CCDC12: variants seen among roughly 807,000 people sequenced by gnomAD.
CCDC12 encodes the protein coiled-coil domain containing 12.
In CCDC12, 28 loss-of-function variants were observed where a neutral mutation model predicts 25.7. That is an observed-to-expected ratio of 1.09 (90% CI 0.81 to 1.50). CCDC12 has a LOEUF of 1.50. Ranked by LOEUF, CCDC12 falls within the 40% of genes most tolerant of loss-of-function variation. The pLI is 0.00. For synonymous variants in CCDC12, 75 were observed against 87.7 expected, an observed-to-expected ratio of 0.86 and a Z score of 0.81; for missense variants, 198 against 210.0, an observed-to-expected ratio of 0.94 and a Z score of 0.35.
intron 2 of CCDC12, among the ~76,000 whole-genome samples, chr3:46,926,878 C>G (rs2032982899): frequency 6.6e-6 from 1 of 152,302 alleles, no homozygotes; most frequent in South Asian, 2.1e-4. Context: ...TGCCATCTCC[C>G]AAGCCCTCTG....
At chr3:46,963,312 G>T (rs569909229) in intron 1 of CCDC12, among the ~76,000 whole-genome samples, 1 of 152,110 alleles carries the variant, frequency 6.6e-6, no homozygotes, top group Admixed American at 6.5e-5. Context: ...TAATTAAAAA[G>T]ATTTTTTATG....
Position 46,945,815 on chromosome 3 carries a change from C to T in CCDC12, c.97-4750G>A, listed in dbSNP as rs533508673. On this transcript the variant is annotated intron_variant, in intron 1 of 6. Coordinates refer to ENST00000683445, the MANE Select transcript of CCDC12 (RefSeq NM_001277074.2). The stretch of plus-strand genomic sequence containing the variant: ...TGACTTATATTGTTCTCTTAATAGC[C>T]TAATGTCTGTAAGATCTGTAGTGAT... 2.6e-5 allele frequency among the ~76,000 whole-genome samples: 4 copies of T among 152,304 alleles called. No individual in the cohort carries two copies. In the South Asian group the frequency reaches 8.3e-4, roughly 32 times the overall value.
intron 1 of CCDC12, among the ~76,000 whole-genome samples, chr3:46,960,095 G>A (rs1015168373): frequency 6.6e-6 from 1 of 152,146 alleles, no homozygotes; most frequent in African/African-American, 2.4e-5. Flanking sequence ...GCTCTCCTCT[G>A]CCCCTCCTCC....
intron 1 of CCDC12, among the ~76,000 whole-genome samples, chr3:46,966,921 C>A (rs555138909): frequency 6.6e-6 from 1 of 152,102 alleles, no homozygotes; most frequent in African/African-American, 2.4e-5. Context: ...GTCCTCATGC[C>A]GCCCCACCCC....
At chr3:46,967,046 G>C (rs375418037) in intron 1 of CCDC12, among the ~76,000 whole-genome samples, 2 of 152,076 alleles carry the variant, frequency 1.3e-5, no homozygotes, top group South Asian at 2.1e-4. Context: ...TCACCAGAGG[G>C]CCTCGTCTAG....
chr3:46,963,081 A>T (rs2034510628), intron 1 of CCDC12, among the ~76,000 whole-genome samples: 1 of 152,242 alleles, frequency 6.6e-6, no homozygotes, highest in South Asian at 2.1e-4. Flanking sequence ...ACAGAAAACT[A>T]CATACTGTTT....
At chr3:46,944,581 C>A (rs1044405437) in intron 1 of CCDC12, among the ~76,000 whole-genome samples, 1 of 151,898 alleles carries the variant, frequency 6.6e-6, no homozygotes, top group African/African-American at 2.4e-5. Context: ...CTTCCCAAAT[C>A]TTGCCATCTT....
upstream of CCDC12, among the ~76,000 whole-genome samples, chr3:46,980,111 T>C (rs533599701): frequency 1.0e-3 from 158 of 152,200 alleles, no homozygotes; most frequent in African/African-American, 3.7e-3. Context: ...ACTTATGCCT[T>C]GGGGACAGAG....
At chr3:46,953,987 G>A (rs942005502) in intron 1 of CCDC12, among the ~76,000 whole-genome samples, 5 of 152,180 alleles carry the variant, frequency 3.3e-5, no homozygotes, top group African/African-American at 9.7e-5. Flanking sequence ...GCTCACGAGG[G>A]GAGCAGCAGT....
intron 1 of CCDC12, among the ~76,000 whole-genome samples, chr3:46,949,085 G>A (rs886084440): frequency 2.0e-5 from 3 of 152,240 alleles, no homozygotes; most frequent in Non-Finnish European, 2.9e-5. Flanking sequence ...GCGAGTGTGA[G>A]AAGGTGAATC....
chr3:46,956,921 G>C (rs1200240262), intron 1 of CCDC12, among the ~76,000 whole-genome samples: 2 of 152,144 alleles, frequency 1.3e-5, no homozygotes, highest in Non-Finnish European at 2.9e-5. Flanking sequence ...GGAGAAGCCA[G>C]GGCCAGACCT....
At chr3:46,976,464 C>T in intron 1 of CCDC12, 173 bp downstream of exon 1, 1 of 1,427,952 alleles carries the variant, frequency 7.0e-7, no homozygotes, top group South Asian at 1.5e-5. Context: ...AGTCCCACGC[C>T]AAGCAGCCCC....
At chr3:46,922,825 T>G (rs1471417696) in intron 5 of CCDC12, 3 of 184,346 alleles carry the variant, frequency 1.6e-5, no homozygotes, top group Non-Finnish European at 3.4e-5. Context: ...GAGAGGGATA[T>G]AGCTCTACCT....
At chr3:46,950,869 G>A (rs1251106321) in intron 1 of CCDC12, among the ~76,000 whole-genome samples, 1 of 152,086 alleles carries the variant, frequency 6.6e-6, no homozygotes, top group East Asian at 1.9e-4. Context: ...GACAAATCTG[G>A]GGAACATTAT....
intron 1 of CCDC12, among the ~76,000 whole-genome samples, chr3:46,962,620 CAT>C (rs1477774968): frequency 6.6e-6 from 1 of 151,812 alleles, no homozygotes; most frequent in African/African-American, 2.4e-5. Context: ...AGGCACTTCA[CAT>C]AAACATATGA....
chr3:46,955,675 G>A (rs2034268524), intron 1 of CCDC12, among the ~76,000 whole-genome samples: 1 of 152,196 alleles, frequency 6.6e-6, no homozygotes, highest in Admixed American at 6.5e-5. Context: ...GAACCTGGAG[G>A]ACAGGTAGAG....
At chr3:46,964,577 A>G (rs1283487198) in intron 1 of CCDC12, among the ~76,000 whole-genome samples, 1 of 152,180 alleles carries the variant, frequency 6.6e-6, no homozygotes, top group Non-Finnish European at 1.5e-5. Flanking sequence ...AGAAGTAGAC[A>G]TGGGAGACTT....
At chr3:46,944,538 A>G (rs1223335145) in intron 1 of CCDC12, among the ~76,000 whole-genome samples, 4 of 151,924 alleles carry the variant, frequency 2.6e-5, no homozygotes, top group Non-Finnish European at 5.9e-5. Flanking sequence ...ATCAGACTCA[A>G]TGCCTCACCA....
chr3:46,925,334 C>A, intron 3 of CCDC12, 122 bp downstream of exon 3: 1 of 818,204 alleles, frequency 1.2e-6, no homozygotes, highest in South Asian at 1.4e-5. Context: ...AACAAAGGGT[C>A]CTGCCTGCAG....
Sources: gnomAD v4.1 joint callset for allele counts (sites outside exome capture counted in the v4.1 genomes callset) on GRCh38, gnomAD v4.1.1 for gene constraint, MANE v1.5 for transcripts, NCBI Gene and HGNC (gene_info 2026-07-23, HGNC 2026-07-21) for gene names.